Variants in SCN8A observed in about 807,000 individuals in gnomAD.
SCN8A encodes the protein sodium channel protein type 8 subunit alpha.
SCN8A carries 30 observed loss-of-function variants against 184.1 expected under a neutral mutation model. The observed-to-expected ratio is 0.16, with a 90% CI of 0.12 to 0.22. SCN8A has a LOEUF of 0.22. Among genes scored for constraint, SCN8A ranks in the 10% least tolerant of loss-of-function variants. SCN8A has a pLI of 1.00. For synonymous variants in SCN8A, 852 were observed against 907.0 expected (o/e 0.94, Z 1.09); for missense variants, 1,057 against 2,498.9 (o/e 0.42, Z 12.30).
intron 25 of SCN8A, among the ~76,000 whole-genome samples, chr12:51,794,065 G>T (rs913275121): frequency 6.6e-6 from 1 of 151,868 alleles, no homozygotes; most frequent in African/African-American, 2.4e-5. Context: ...AGAATTGTTT[G>T]AACCTAGGAG....
chr12:51,709,371 T>C (rs1941835611), intron 11 of SCN8A, among the ~76,000 whole-genome samples: 1 of 152,218 alleles, frequency 6.6e-6, no homozygotes. Flanking sequence ...GCCAAAGGCA[T>C]GACCATTGCT....
In SCN8A at chr12:51,810,699, G is replaced by A. The variant is rs893262342; in HGVS notation, c.*3270G>A. The A allele has an allele frequency of 6.5e-6, 1 of 153,150 alleles. No individual in the cohort carries two copies. Among genetic ancestry groups the A allele is most frequent in the Non-Finnish European group, 1.5e-5 (1 of 68,828 alleles). The allele number at this position is 153,150 out of a possible 1,614,324, so 9.5% of individuals were successfully genotyped here. A position where few individuals can be genotyped will look rare whatever the true frequency, so the allele number is the denominator to read the frequency against. On this transcript the variant is annotated 3_prime_UTR_variant, in exon 27 of 27. Coordinates refer to ENST00000627620, the MANE Select transcript of SCN8A (RefSeq NM_001330260.2). Reference sequence around the variant, plus strand: ...AAGCCACTGAGCAGCAGCTGACATGGTTGCTGGTTTGTGTGTGAAAAACAT... The same window carrying A: ...AAGCCACTGAGCAGCAGCTGACATGATTGCTGGTTTGTGTGTGAAAAACAT...
At chr12:51,722,059 AC>A in intron 12 of SCN8A, 151 bp downstream of exon 12, 1 of 1,217,556 alleles carries the variant, frequency 8.2e-7, no homozygotes, top group Non-Finnish European at 1.2e-6. Flanking sequence ...TCCTGTTAAC[AC>A]CCCAGCCATT....
intron 1 of SCN8A, among the ~76,000 whole-genome samples, chr12:51,599,600 A>G (rs566544824): frequency 1.3e-4 from 20 of 152,350 alleles, no homozygotes; most frequent in African/African-American, 4.8e-4. Flanking sequence ...TGTAGAATTT[A>G]GAGAGTATAG....
chr12:51,684,260 A>G lies in SCN8A; in HGVS notation c.363A>G (p.Ile121Met), dbSNP rs752190543. ...ACATTTTAAGTCCTTTTAACCTGAT[A>G]AGAAGAATAGCTATTAAAATTTTGA... ...ALYILSPFNL[I>M]RRIAIKILIH... is the part of the protein sequence containing the mutation. The change falls in exon 3 of 27, where the codon ATA (isoleucine) becomes ATG (methionine). Residue 121 changes from isoleucine (I) to methionine (M), a missense_variant. Physicochemically the swap from Ile to Met is conservative, Grantham distance 10 (BLOSUM62 1). Coordinates refer to ENST00000627620, the MANE Select transcript of SCN8A (RefSeq NM_001330260.2). The G allele has an allele frequency of 3.1e-6, 5 of 1,597,808 alleles. No individual in the cohort carries two copies. Among genetic ancestry groups the G allele is most frequent in the South Asian group, 1.1e-5 (1 of 90,782 alleles).
At chr12:51,789,590 G>T (rs1356444746) in intron 24 of SCN8A, among the ~76,000 whole-genome samples, 172 bp downstream of exon 24, 2 of 152,100 alleles carry the variant, frequency 1.3e-5, no homozygotes, top group East Asian at 3.9e-4. Context: ...TTCTGTTCGG[G>T]GCTGGATTTT....
intron 6 of SCN8A, 42 bp from the exon 7 acceptor site, chr12:51,699,528 G>A (rs1941648282): frequency 6.6e-7 from 1 of 1,521,408 alleles, no homozygotes; most frequent in Non-Finnish European, 9.0e-7. Flanking sequence ...AGGTGGGGAG[G>A]GCTTTGAGGT....
At chr12:51,780,437 C>T (rs982233124) in intron 20 of SCN8A, among the ~76,000 whole-genome samples, 9 of 151,994 alleles carry the variant, frequency 5.9e-5, no homozygotes, top group African/African-American at 2.2e-4. Context: ...ACCACCTTTC[C>T]TTCCAGGTCA....
rs528706880 is a variant in SCN8A at position 51,660,630 on chromosome 12, T to C, written c.-54-2134T>C. 5.6e-4 allele frequency among the ~76,000 whole-genome samples: 85 copies of C among 152,368 alleles called. 1 individual carries two copies. The highest frequency in any genetic ancestry group is 1.9e-3 in the African/African-American group (79 of 41,588). ...TTTATTTAGTGTGTTTCAAATCTTCTTCTGGCTCTATAACTTTGGGCAAGC... is the reference window on the plus strand; with the variant it reads ...TTTATTTAGTGTGTTTCAAATCTTCCTCTGGCTCTATAACTTTGGGCAAGC... On this transcript the variant is annotated intron_variant, in intron 1 of 26. Transcript: ENST00000627620.
intron 1 of SCN8A, among the ~76,000 whole-genome samples, chr12:51,618,374 TC>T (rs1330014840): frequency 1.3e-5 from 2 of 151,774 alleles, no homozygotes; most frequent in African/African-American, 4.8e-5. Context: ...GGAGGTCTTC[TC>T]CTGTAGCTTT....
intron 5 of SCN8A, among the ~76,000 whole-genome samples, chr12:51,688,015 C>T (rs1565887247): frequency 6.6e-6 from 1 of 152,194 alleles, no homozygotes; most frequent in Non-Finnish European, 1.5e-5. Context: ...TGTATTTCAA[C>T]TGTAAAATGT....
intron 15 of SCN8A, among the ~76,000 whole-genome samples, chr12:51,764,273 TGACATCTA>T (rs1860753882): frequency 6.6e-6 from 1 of 152,238 alleles, no homozygotes; most frequent in African/African-American, 2.4e-5. Flanking sequence ...TGTTAGCATA[TGACATCTA>T]ATGATGATCT....
At chr12:51,728,200 CCTCT>C (rs1472402869) in intron 12 of SCN8A, among the ~76,000 whole-genome samples, 2 of 151,902 alleles carry the variant, frequency 1.3e-5, no homozygotes, top group African/African-American at 4.8e-5. Flanking sequence ...ATATGTTTGC[CCTCT>C]CTCTCTTCAT....
At chr12:51,675,430 A>G (rs1359913063) in intron 2 of SCN8A, among the ~76,000 whole-genome samples, 3 of 152,228 alleles carry the variant, frequency 2.0e-5, no homozygotes, top group African/African-American at 7.2e-5. Flanking sequence ...ATCTTCATCA[A>G]ACTGAACTTG....
intron 11 of SCN8A, among the ~76,000 whole-genome samples, chr12:51,710,801 GA>G (rs1343831313): frequency 2.0e-5 from 3 of 152,042 alleles, no homozygotes. Flanking sequence ...TTTCTAGTTG[GA>G]AATCTTCATT....
chr12:51,710,215 C>A (rs1327037023), intron 11 of SCN8A, among the ~76,000 whole-genome samples: 2 of 152,104 alleles, frequency 1.3e-5, no homozygotes, highest in African/African-American at 4.8e-5. Context: ...ATAGCATTCC[C>A]CATCCCCTTA....
chr12:51,772,323 A>G (rs1332665612), intron 19 of SCN8A, among the ~76,000 whole-genome samples: 1 of 151,288 alleles, frequency 6.6e-6, no homozygotes. Flanking sequence ...TGAACCTGGG[A>G]GGCGGAGGTT....
At chr12:51,778,345 C>T (rs994419206) in intron 20 of SCN8A, among the ~76,000 whole-genome samples, 3 of 152,090 alleles carry the variant, frequency 2.0e-5, no homozygotes, top group Admixed American at 1.3e-4. Flanking sequence ...AGTGCAATGG[C>T]ACCATCTCCG....
chr12:51,712,783 C>T, intron 11 of SCN8A: 1 of 1,182,926 alleles, frequency 8.5e-7, no homozygotes, highest in African/African-American at 1.5e-5. Flanking sequence ...AGCATAGTTG[C>T]CACCGTCACT....
Sources: gnomAD v4.1 joint callset for allele counts (sites outside exome capture counted in the v4.1 genomes callset) on GRCh38, gnomAD v4.1.1 for gene constraint, MANE v1.5 for transcripts, NCBI Gene and HGNC (gene_info 2026-07-23, HGNC 2026-07-21) for gene names.